The following PPM1M variants were observed in gnomAD, a reference collection of about 807,000 sequenced individuals.
The protein encoded by PPM1M is protein phosphatase, Mg2+/Mn2+ dependent 1M, also known as protein phosphatase 1M.
A neutral mutation model predicts 50.8 loss-of-function variants in PPM1M; 44 were observed. That is an observed-to-expected ratio of 0.87 (90% CI 0.68 to 1.11). The LOEUF (loss-of-function observed/expected upper bound fraction) is 1.11. Among genes scored for constraint, PPM1M ranks in the 50% most tolerant of loss-of-function variants. PPM1M has a pLI of 0.00. For missense variants in PPM1M, 556 were observed against 593.4 expected (o/e 0.94, Z 0.66); for synonymous variants, 224 against 242.9 (o/e 0.92, Z 0.72).
rs1310368228 is a variant in PPM1M, at chr3:52,248,472, C to G, written c.914+19C>G. On this transcript the variant is annotated intron_variant, in intron 6 of 9. Transcript: ENST00000323588. ...GTGGCTGGTGAGTGGGGATGGGGGACAGGTAGGAAGGGAGACCCCTGGGAT... is the reference window on the plus strand; with the variant it reads ...GTGGCTGGTGAGTGGGGATGGGGGAGAGGTAGGAAGGGAGACCCCTGGGAT... The G allele has an allele frequency of 6.2e-7, 1 of 1,606,858 alleles. No individual in the cohort carries two copies. Among genetic ancestry groups the G allele is most frequent in the Non-Finnish European group, 8.5e-7 (1 of 1,174,186 alleles).
In PPM1M at chr3:52,246,312, T is replaced by G. The variant is rs1227148638; in HGVS notation, c.224+264T>G. The G allele has an allele frequency of 3.9e-6, 4 of 1,033,900 alleles. No individual in the cohort carries two copies. The African/African-American group carries it at 6.9e-5, about 18-fold the overall frequency. 64.0% of individuals were successfully genotyped at this position (1,033,900 alleles called of 1,614,324 possible). ...GGCTTCCAAGATGAGGCCCAGAGAC[T>G]CGGTAGAGTTCCAGCATTCGGGGCT... is the stretch of plus-strand genomic sequence containing the variant. On this transcript the variant is annotated intron_variant, in intron 1 of 9. Coordinates refer to ENST00000323588, the MANE Select transcript of PPM1M (RefSeq NM_144641.4).
chr3:52,249,501 A>G (rs1025208797), intron 9 of PPM1M, 169 bp from the exon 10 acceptor site: 1 of 1,253,816 alleles, frequency 8.0e-7, no homozygotes, highest in African/African-American at 1.5e-5. Context: ...CTGGATTTAG[A>G]CTCTCATGGT....
intron 7 of PPM1M, 83 bp from the exon 8 acceptor site, chr3:52,248,871 CCT>C: frequency 3.2e-6 from 4 of 1,264,970 alleles, no homozygotes; most frequent in Non-Finnish European, 4.6e-6. Flanking sequence ...TCCACCTCTC[CCT>C]GTGTGCTCTG....
In PPM1M at chr3:52,245,856, T is replaced by A; in HGVS notation, c.32T>A (p.Leu11Gln). MSAGWFRRRF[L>Q]PGEPLPAPRP... is the part of the protein sequence containing the mutation. ...GCCGGCTGGTTCCGGCGCCGCTTCC[T>A]GCCTGGGGAGCCGCTCCCCGCGCCG... Residue 11 changes from leucine (L) to glutamine (Q), a missense_variant, in exon 1 of 10, where the codon CTG becomes CAG. Transcript: ENST00000323588. This position sits in a 1 kb window ranked among gnomAD's most constrained non-coding sequence, Gnocchi z 4.8. The A allele has an allele frequency of 1.8e-6, 2 of 1,088,840 alleles. No individual in the cohort carries two copies. The highest frequency in any genetic ancestry group is 2.3e-6 in the Non-Finnish European group (2 of 886,670). The allele number at this position is 1,088,840 out of a possible 1,614,324, so 67.4% of individuals were successfully genotyped here. A position where few individuals can be genotyped will look rare whatever the true frequency, so the allele number is the denominator to read the frequency against.
chr3:52,246,801 T>C lies in PPM1M; in HGVS notation c.331T>C (p.Cys111Arg). 1 of 1,399,200 alleles carries C rather than the reference T, an allele frequency of 7.1e-7. No homozygotes were observed. Among genetic ancestry groups the C allele is most frequent in the South Asian group, 1.2e-5 (1 of 81,914 alleles). The allele number at this position is 1,399,200 out of a possible 1,614,324, so 86.7% of individuals were successfully genotyped here. Reference sequence around the variant, plus strand: ...GGCTGAAGAAGAGTGGCTGACCCTGTGCCCAGAGGAGGTGAGTGCAGTCTG... The same window carrying C: ...GGCTGAAGAAGAGTGGCTGACCCTGCGCCCAGAGGAGGTGAGTGCAGTCTG... ...FGAEEEWLTL[C>R]PEEFLTGHYW... The change falls in exon 2 of 10, where the codon TGC becomes CGC. Residue 111 changes from cysteine to arginine, a missense_variant. Coordinates refer to ENST00000323588, the MANE Select transcript of PPM1M (RefSeq NM_144641.4).
chr3:52,247,096 G>C lies in PPM1M; in HGVS notation c.465G>C (p.Leu155Phe), dbSNP rs1346968688. 6.3e-7 allele frequency: 1 copy of C among 1,594,530 alleles called. No homozygotes were observed. The highest frequency in any genetic ancestry group is 8.5e-7 in the Non-Finnish European group (1 of 1,170,770). ...AGCTGGAGGCCGTGGTGGAAGGCTT[G>C]GTGGCCACTCAGCCCCCCATGCACC... is the stretch of plus-strand genomic sequence containing the variant. ...RRQLEAVVEGLVATQPPMHLN... is the reference protein window; with the variant it reads ...RRQLEAVVEGFVATQPPMHLN... Residue 155 changes from leucine to phenylalanine, a missense_variant, in exon 3 of 10, where the codon TTG becomes TTC. Leu to Phe is a conservative substitution (Grantham distance 22). Transcript: ENST00000323588.
At chr3:52,248,265 G>A (rs1214031832) in intron 5 of PPM1M, 28 bp downstream of exon 5, 1 of 1,609,020 alleles carries the variant, frequency 6.2e-7, no homozygotes, top group South Asian at 1.1e-5. Context: ...CATGGAGGCT[G>A]TGAAGCTCCA....
intron 9 of PPM1M, 162 bp from the exon 10 acceptor site, chr3:52,249,508 T>C (rs1208153195): frequency 7.9e-7 from 1 of 1,264,412 alleles, no homozygotes; most frequent in Non-Finnish European, 1.1e-6. Flanking sequence ...TAGACTCTCA[T>C]GGTCCAGCCC....
chr3:52,246,264 T>G, intron 1 of PPM1M: 1 of 1,025,870 alleles, frequency 9.7e-7, no homozygotes, highest in African/African-American at 1.7e-5. Context: ...AGACAGGAGG[T>G]CGGGAAGGAC....
chr3:52,248,185 C>T lies in PPM1M; in HGVS notation c.743C>T (p.Pro248Leu), dbSNP rs1434374790. 1.2e-6 allele frequency: 2 copies of T among 1,613,250 alleles called. No homozygotes were observed. Among genetic ancestry groups the T allele is most frequent in the African/African-American group, 1.3e-5 (1 of 74,888 alleles). The change falls in exon 5 of 10, where the codon CCA becomes CTA. Residue 248 changes from proline to leucine, a missense_variant. Transcript: ENST00000323588. ...TTGGTGCGGAGAGATGAGATACGGC[C>T]ACTGAGCTTCGAGTTCACCCCAGAG... ...AILVRRDEIR[P>L]LSFEFTPETE...
chr3:52,247,392 C>G (rs776039708), intron 3 of PPM1M, 164 bp downstream of exon 3: 11 of 1,022,174 alleles, frequency 1.1e-5, no homozygotes, highest in Non-Finnish European at 1.4e-5. Context: ...ATCAGCATAA[C>G]CCCTCTCATT....
Position 52,250,003 on chromosome 3 carries a change from G to A in PPM1M, c.*189G>A. 2 of 582,858 alleles carry A rather than the reference G, an allele frequency of 3.4e-6. No individual in the cohort carries two copies. Among genetic ancestry groups the A allele is most frequent in the Non-Finnish European group, 6.1e-6 (2 of 329,166 alleles). The allele number at this position is 582,858 out of a possible 1,614,324, so 36.1% of individuals were successfully genotyped here. A position where few individuals can be genotyped will look rare whatever the true frequency, so the allele number is the denominator to read the frequency against. On this transcript the variant is annotated 3_prime_UTR_variant, in exon 10 of 10. Coordinates refer to ENST00000323588, the MANE Select transcript of PPM1M (RefSeq NM_144641.4). ...CAGGCAGTCAGAGCTGGAAGTGTATGGAGAGCCCAGCCCACCAGGTCCTGC... is the reference window on the plus strand; with the variant it reads ...CAGGCAGTCAGAGCTGGAAGTGTATAGAGAGCCCAGCCCACCAGGTCCTGC...
chr3:52,246,605 G>A lies in PPM1M; in HGVS notation c.225-90G>A, dbSNP rs1237069661. On this transcript the variant is annotated intron_variant, in intron 1 of 9. Transcript: ENST00000323588. The stretch of plus-strand genomic sequence containing the variant: ...CTGGGGAGCTGTTGCCCCAGAGGGA[G>A]GGGTCTTCTCCCTGTGCTGGCTTGG... 5 of 779,654 alleles carry A rather than the reference G, an allele frequency of 6.4e-6. No homozygotes were observed. The Admixed American group carries it at 7.4e-5, about 12-fold the overall frequency. 48.3% of individuals were successfully genotyped at this position (779,654 alleles called of 1,614,324 possible). A position where few individuals can be genotyped will look rare whatever the true frequency, so the allele number is the denominator to read the frequency against.
rs1035970258 is a variant in PPM1M at position 52,245,838 on chromosome 3, G to A, written c.14G>A (p.Trp5Ter). 9.4e-7 allele frequency: 1 copy of A among 1,060,972 alleles called. No homozygotes were observed. The highest frequency in any genetic ancestry group is 1.1e-6 in the Non-Finnish European group (1 of 873,118). The allele number at this position is 1,060,972 out of a possible 1,614,324, so 65.7% of individuals were successfully genotyped here. MSAG[W>*]FRRRFLPGEP... ...TGCCGCCGCGCCATGTCCGCCGGCT[G>A]GTTCCGGCGCCGCTTCCTGCCTGGG... The change falls in exon 1 of 10, where the codon TGG becomes TAG. Residue 5 changes from tryptophan to a stop codon, truncating the protein, a stop_gained. Coordinates refer to ENST00000323588, the MANE Select transcript of PPM1M (RefSeq NM_144641.4). LOFTEE classifies it high-confidence loss of function. This position sits in a 1 kb window ranked among gnomAD's most constrained non-coding sequence, Gnocchi z 4.8.
intron 1 of PPM1M, chr3:52,246,431 G>T: frequency 1.1e-6 from 1 of 948,784 alleles, no homozygotes; most frequent in Non-Finnish European, 1.4e-6. Context: ...ACAGGACAGG[G>T]GCAGGAATGG....
chr3:52,247,326 C>T (rs1699877168), intron 3 of PPM1M, 98 bp downstream of exon 3: 4 of 1,468,532 alleles, frequency 2.7e-6, no homozygotes, highest in Non-Finnish European at 2.7e-6. Context: ...CACACCAGAT[C>T]CTTGGATTGG....
At chr3:52,246,655 G>A (rs1699861134) in intron 1 of PPM1M, 40 bp from the exon 2 acceptor site, 2 of 1,221,046 alleles carry the variant, frequency 1.6e-6, no homozygotes, top group African/African-American at 1.6e-5. Flanking sequence ...GGGGACATAG[G>A]TGTGTCCCTG....
Position 52,246,813 on chromosome 3 carries a change from G to A in PPM1M, c.342+1G>A, listed in dbSNP as rs1226129510. On this transcript the variant is annotated splice_donor_variant, in intron 2 of 9. Coordinates refer to ENST00000323588, the MANE Select transcript of PPM1M (RefSeq NM_144641.4). LOFTEE classifies it high-confidence loss of function. ...GTGGCTGACCCTGTGCCCAGAGGAG[G>A]TGAGTGCAGTCTGAGTTCTTGGCTG... The A allele has an allele frequency of 2.1e-6, 3 of 1,421,714 alleles. No individual in the cohort carries two copies. The highest frequency in any genetic ancestry group is 2.4e-5 in the South Asian group (2 of 82,112). The allele number at this position is 1,421,714 out of a possible 1,614,324, so 88.1% of individuals were successfully genotyped here.
At chr3:52,246,280 G>A in intron 1 of PPM1M, 1 of 1,035,492 alleles carries the variant, frequency 9.7e-7, no homozygotes, top group Non-Finnish European at 1.2e-6. Context: ...AGGACCTGCA[G>A]CCCAGGGGCT....
Sources: gnomAD v4.1 joint callset for allele counts on GRCh38, gnomAD v4.1.1 for gene constraint, Gnocchi (gnomAD v3.1) non-coding constraint, MANE v1.5 for transcripts, NCBI Gene and HGNC (gene_info 2026-07-23, HGNC 2026-07-21) for gene names.